The following RGS17 variants were observed in gnomAD, a reference collection of about 807,000 sequenced individuals.
The protein encoded by RGS17 is regulator of G-protein signaling 17.
A neutral mutation model predicts 25.5 loss-of-function variants in RGS17; 12 were observed. That is an observed-to-expected ratio of 0.47 (90% confidence interval 0.30 to 0.76). The LOEUF is 0.76. Among genes scored for constraint, RGS17 ranks in the 30% least tolerant of loss-of-function variants. The probability of loss-of-function intolerance (pLI) is 0.07; values close to 1 mark genes in which losing one functional copy is unlikely to be tolerated. For synonymous variants in RGS17, 71 were observed against 76.9 expected (o/e 0.92, Z 0.40); for missense variants, 196 against 242.2 (o/e 0.81, Z 1.27).
intron 1 of RGS17, among the ~76,000 whole-genome samples, chr6:153,112,485 T>C (rs192039441): frequency 2.7e-4 from 41 of 152,308 alleles, no homozygotes; most frequent in African/African-American, 9.1e-4. Context: ...TAGAACCAAG[T>C]TGGAAAACAC....
Position 153,010,256 on chromosome 6 carries a change from CT to C in RGS17, c.*1317del, listed in dbSNP as rs1434670762. 2.6e-5 allele frequency: 4 copies of C among 151,812 alleles called. No homozygotes were observed. The highest frequency in any genetic ancestry group is 1.3e-4 in the Admixed American group (2 of 15,246). 9.4% of individuals were successfully genotyped at this position (151,812 alleles called of 1,614,324 possible). ...ATGACACTGATTATTTTAATTATCA[CT>C]TTTATGCATGACAGAATATTGTTTC... is the stretch of plus-strand genomic sequence containing the variant. On this transcript the variant is annotated 3_prime_UTR_variant, in exon 5 of 5. Transcript: ENST00000206262.
At chr6:153,030,179 C>G (rs974807649) in intron 2 of RGS17, among the ~76,000 whole-genome samples, 1 of 152,224 alleles carries the variant, frequency 6.6e-6, no homozygotes, top group East Asian at 1.9e-4. Flanking sequence ...AGAAAATGTG[C>G]CCCCTCTCTA....
At chr6:153,125,419 G>A (rs894482246) in intron 1 of RGS17, among the ~76,000 whole-genome samples, 3 of 152,164 alleles carry the variant, frequency 2.0e-5, no homozygotes, top group Non-Finnish European at 4.4e-5. Flanking sequence ...CTAATAAATA[G>A]TAGAGTAAAA....
chr6:153,085,465 C>G (rs1464436736), intron 1 of RGS17, among the ~76,000 whole-genome samples: 3 of 152,168 alleles, frequency 2.0e-5, no homozygotes, highest in Non-Finnish European at 4.4e-5. Flanking sequence ...GTGACGTCAC[C>G]TGCAATACTC....
intron 3 of RGS17, among the ~76,000 whole-genome samples, chr6:153,025,874 T>C (rs1253936532): frequency 6.6e-6 from 1 of 151,954 alleles, no homozygotes; most frequent in Non-Finnish European, 1.5e-5. Flanking sequence ...TAAAACAATT[T>C]TTAATTTTAA....
At chr6:153,064,754 T>C (rs934392321) in intron 1 of RGS17, among the ~76,000 whole-genome samples, 1 of 152,116 alleles carries the variant, frequency 6.6e-6, no homozygotes, top group African/African-American at 2.4e-5. Flanking sequence ...GATAATAATA[T>C]AGTATTTGCA....
chr6:153,107,287 C>T (rs1052282343), intron 1 of RGS17, among the ~76,000 whole-genome samples: 6 of 151,946 alleles, frequency 3.9e-5, no homozygotes, highest in African/African-American at 1.2e-4. Flanking sequence ...GAGCCGAGAT[C>T]GCGCCATTGC....
chr6:153,113,443 G>C (rs551336700), intron 1 of RGS17, among the ~76,000 whole-genome samples: 96 of 152,170 alleles, frequency 6.3e-4, no homozygotes, highest in African/African-American at 2.2e-3. Flanking sequence ...AGTTCTTAGA[G>C]GCCTATTAGG....
At chr6:153,025,464 C>T (rs1779289748) in intron 3 of RGS17, among the ~76,000 whole-genome samples, 2 of 151,638 alleles carry the variant, frequency 1.3e-5, no homozygotes, top group African/African-American at 4.8e-5. Context: ...GACTAGGTGA[C>T]TGCAAAAACC....
intron 1 of RGS17, among the ~76,000 whole-genome samples, chr6:153,121,215 G>A (rs1487671841): frequency 6.6e-6 from 1 of 152,072 alleles, no homozygotes; most frequent in Non-Finnish European, 1.5e-5. Context: ...CAAACACTTG[G>A]AAATTCAGAC....
chr6:153,041,511 C>T (rs1437881193), intron 2 of RGS17, among the ~76,000 whole-genome samples: 2 of 151,936 alleles, frequency 1.3e-5, no homozygotes, highest in South Asian at 2.1e-4. Flanking sequence ...TTTAATGTGT[C>T]CTTTAAAAAT....
chr6:153,014,488 CA>C (rs2129105535), intron 4 of RGS17, among the ~76,000 whole-genome samples: 1 of 152,238 alleles, frequency 6.6e-6, no homozygotes, highest in South Asian at 2.1e-4. Context: ...TTTCAACTCA[CA>C]AGTATTATTT....
chr6:153,102,920 G>A (rs7750498), intron 1 of RGS17, among the ~76,000 whole-genome samples: 71,238 of 151,980 alleles, frequency 0.47, 17,413 homozygotes, highest in East Asian at 0.84. Context: ...GCTGGCAGTT[G>A]GTAGACTCTC....
chr6:153,085,189 T>A (rs1029010580), intron 1 of RGS17, among the ~76,000 whole-genome samples: 1 of 152,234 alleles, frequency 6.6e-6, no homozygotes, highest in African/African-American at 2.4e-5. Flanking sequence ...AACACTTTGA[T>A]ACTGATATTT....
At chr6:153,018,648 C>A (rs745679055) in intron 4 of RGS17, among the ~76,000 whole-genome samples, 2 of 152,194 alleles carry the variant, frequency 1.3e-5, no homozygotes, top group Non-Finnish European at 2.9e-5. Context: ...CCATCTAATT[C>A]AATCTCCAGC....
chr6:153,124,808 A>G (rs1020997778), intron 1 of RGS17, among the ~76,000 whole-genome samples: 7 of 152,202 alleles, frequency 4.6e-5, no homozygotes, highest in African/African-American at 1.7e-4. Flanking sequence ...AAACTTTCAA[A>G]TATTTGTTGA....
chr6:153,113,280 C>T (rs752373022), intron 1 of RGS17, among the ~76,000 whole-genome samples: 2 of 152,188 alleles, frequency 1.3e-5, no homozygotes, highest in African/African-American at 2.4e-5. Context: ...GGTTGGCCAT[C>T]CTTGTCTCTG....
chr6:153,112,108 T>C (rs1168042245), intron 1 of RGS17, among the ~76,000 whole-genome samples: 5 of 152,074 alleles, frequency 3.3e-5, no homozygotes, highest in Non-Finnish European at 7.3e-5. Context: ...AGAAGTAGGC[T>C]TCAGAAGGTG....
intron 1 of RGS17, among the ~76,000 whole-genome samples, chr6:153,057,159 C>T (rs1264304338): frequency 6.6e-6 from 1 of 151,260 alleles, no homozygotes; most frequent in Non-Finnish European, 1.5e-5. Context: ...TTTTAAAATC[C>T]ACATAACATC....
Sources: allele counts gnomAD v4.1 joint callset (sites outside exome capture counted in the v4.1 genomes callset), GRCh38; gene constraint gnomAD v4.1.1; transcripts MANE v1.5; gene names NCBI Gene and HGNC (gene_info 2026-07-23, HGNC 2026-07-21).